Variants in RGS6 observed in about 807,000 individuals in gnomAD.
RGS6 encodes the protein regulator of G protein signaling 6, also known as regulator of G-protein signaling 6.
In RGS6, 30 loss-of-function variants were observed where a neutral mutation model predicts 78.5. The ratio of observed to expected loss-of-function variants is 0.38; its 90% CI spans 0.29 to 0.52. RGS6 has a LOEUF of 0.52. Ranked by LOEUF, RGS6 falls within the 20% of genes least tolerant of loss-of-function variation. The pLI, the probability that RGS6 is intolerant of heterozygous loss-of-function variation, is 0.85. For missense variants in RGS6, 495 were observed against 609.7 expected, an observed-to-expected ratio of 0.81 and a Z score of 1.98; for synonymous variants, 206 against 206.0, an observed-to-expected ratio of 1.00 and a Z score of 0.00.
the RGS6 span, chr14:72,619,383 C>T: frequency 1.4e-5 from 21 of 1,535,936 alleles, no homozygotes; most frequent in African/African-American, 1.2e-4. Context: ...AGAAATGAGA[C>T]GGCTTTAGTA....
intron 2 of RGS6, among the ~76,000 whole-genome samples, chr14:72,037,970 A>ATTATTTTATTTTATT (rs57374454): frequency 6.6e-5 from 10 of 151,200 alleles, no homozygotes; most frequent in South Asian, 2.1e-4. Flanking sequence ...TTTATTTTTT[A>ATTATTTTATTTTATT]TTATTTTATT....
rs574286198 is a variant in RGS6, at chr14:72,509,367, G to GA, written c.966-771dup. Among the ~76,000 whole-genome samples, 427 of 113,376 alleles carry GA rather than the reference G, an allele frequency of 3.8e-3. 1 individual carries two copies. Among genetic ancestry groups the GA allele is most frequent in the African/African-American group, 5.7e-3 (183 of 31,846 alleles). 74.4% of individuals were successfully genotyped at this position (113,376 alleles called of 152,430 possible). A position where few individuals can be genotyped will look rare whatever the true frequency, so the allele number is the denominator to read the frequency against. On this transcript the variant is annotated intron_variant, in intron 13 of 17. Transcript: ENST00000553525. Reference sequence around the variant, plus strand: ...GCGGCAAAGTGAGACTCCATCTCAAGAAAAAAAAAAAAAAAAGACCTGGTG... The same window carrying GA: ...GCGGCAAAGTGAGACTCCATCTCAAGAAAAAAAAAAAAAAAAAGACCTGGTG...
intron 12 of RGS6, among the ~76,000 whole-genome samples, chr14:72,479,525 T>A (rs1485700067): frequency 1.3e-5 from 2 of 152,172 alleles, no homozygotes; most frequent in African/African-American, 4.8e-5. Context: ...GTCCCCTGGG[T>A]GGGGTGAAAG....
intron 2 of RGS6, among the ~76,000 whole-genome samples, chr14:72,141,516 C>G (rs988743087): frequency 2.6e-5 from 4 of 152,134 alleles, no homozygotes; most frequent in African/African-American, 9.7e-5. Flanking sequence ...CGGGTAATAT[C>G]TGGAGCTCTC....
intron 2 of RGS6, among the ~76,000 whole-genome samples, chr14:72,213,393 C>G (rs1424092457): frequency 1.3e-5 from 2 of 152,126 alleles, no homozygotes; most frequent in African/African-American, 4.8e-5. Context: ...TCTTGTTCAC[C>G]TATGACGAGG....
intron 13 of RGS6, among the ~76,000 whole-genome samples, chr14:72,504,597 T>C (rs1054413738): frequency 6.6e-6 from 1 of 152,186 alleles, no homozygotes; most frequent in Non-Finnish European, 1.5e-5. Context: ...TTCAGGATTA[T>C]TTAGGTATTA....
chr14:72,495,552 A>AT (rs917381022), intron 13 of RGS6, among the ~76,000 whole-genome samples: 13 of 151,842 alleles, frequency 8.6e-5, no homozygotes, highest in East Asian at 3.9e-4. Context: ...TGTTGTTCCA[A>AT]TTTTTTTTCC....
At chr14:72,153,227 T>C (rs2096719660) in intron 2 of RGS6, among the ~76,000 whole-genome samples, 1 of 152,322 alleles carries the variant, frequency 6.6e-6, no homozygotes, top group Non-Finnish European at 1.5e-5. Context: ...AGGGTCCTTT[T>C]TGGAGCCCTT....
intron 1 of RGS6, among the ~76,000 whole-genome samples, chr14:71,936,300 G>A (rs1737750432): frequency 6.6e-6 from 1 of 151,810 alleles, no homozygotes; most frequent in Non-Finnish European, 1.5e-5. Flanking sequence ...TAGGGTGGGA[G>A]GCTAGGCTCA....
intron 3 of RGS6, among the ~76,000 whole-genome samples, chr14:72,400,699 G>A (rs910756641): frequency 6.6e-6 from 1 of 152,214 alleles, no homozygotes; most frequent in Non-Finnish European, 1.5e-5. Flanking sequence ...ATAAGTAGAA[G>A]TCTGGCAGAC....
At chr14:71,949,261 C>CT (rs2091999527) in intron 1 of RGS6, among the ~76,000 whole-genome samples, 2 of 152,146 alleles carry the variant, frequency 1.3e-5, no homozygotes, top group African/African-American at 4.8e-5. Flanking sequence ...TCTTAAGTGG[C>CT]TGCACCAATT....
intron 2 of RGS6, among the ~76,000 whole-genome samples, chr14:72,222,212 A>G (rs1176541425): frequency 6.6e-6 from 1 of 152,194 alleles, no homozygotes; most frequent in Non-Finnish European, 1.5e-5. Flanking sequence ...CCTCCAAGAG[A>G]TCTGCTCTGC....
chr14:72,152,637 G>A (rs1273229159), intron 2 of RGS6, among the ~76,000 whole-genome samples: 1 of 152,130 alleles, frequency 6.6e-6, no homozygotes, highest in Non-Finnish European at 1.5e-5. Context: ...CACTGTTTTA[G>A]GTATTCTTTA....
intron 2 of RGS6, among the ~76,000 whole-genome samples, chr14:72,206,571 A>G (rs911540382): frequency 2.0e-5 from 3 of 152,160 alleles, no homozygotes; most frequent in Non-Finnish European, 2.9e-5. Flanking sequence ...ACAGTTCCAC[A>G]TCGCTGGGGA....
At chr14:72,568,575 C>T (rs1294923178), downstream of RGS6, among the ~76,000 whole-genome samples, 1 of 152,200 alleles carries the variant, frequency 6.6e-6, no homozygotes, top group African/African-American at 2.4e-5. Context: ...CTGTGTGTCA[C>T]TTGGGTGGCC....
intron 2 of RGS6, among the ~76,000 whole-genome samples, chr14:71,988,609 G>C (rs1040050896): frequency 6.6e-6 from 1 of 151,946 alleles, no homozygotes; most frequent in African/African-American, 2.4e-5. Context: ...GACAGAGACT[G>C]TCCGTATGAC....
intron 2 of RGS6, among the ~76,000 whole-genome samples, chr14:72,336,536 C>A (rs866499989): frequency 1.6e-4 from 24 of 149,314 alleles, no homozygotes; most frequent in East Asian, 1.6e-3. Context: ...AGAGAGAGAG[C>A]GCGCATAGGG....
At chr14:72,133,073 G>A (rs1042312485) in intron 2 of RGS6, among the ~76,000 whole-genome samples, 1 of 152,254 alleles carries the variant, frequency 6.6e-6, no homozygotes, top group African/African-American at 2.4e-5. Flanking sequence ...CTGGGGGGCC[G>A]AGAAGATGTG....
chr14:72,392,765 TG>T (rs2090316088), intron 3 of RGS6, among the ~76,000 whole-genome samples: 1 of 152,116 alleles, frequency 6.6e-6, no homozygotes, highest in Non-Finnish European at 1.5e-5. Flanking sequence ...ATGTGGAGAA[TG>T]GTTGCAAAGC....
Sources: gnomAD v4.1 joint callset for allele counts (sites outside exome capture counted in the v4.1 genomes callset) on GRCh38, gnomAD v4.1.1 for gene constraint, MANE v1.5 for transcripts, NCBI Gene and HGNC (gene_info 2026-07-23, HGNC 2026-07-21) for gene names.